P3H2: variants seen among roughly 807,000 people sequenced by gnomAD.
The protein encoded by P3H2 is prolyl 3-hydroxylase 2, also known as leprecan-like 1.
P3H2 carries 80 observed loss-of-function variants against 87.0 expected under a neutral mutation model. The observed-to-expected ratio is 0.92, with a 90% CI of 0.77 to 1.11. The LOEUF is 1.11. P3H2 is among the 50% of genes least tolerant of loss of function. The pLI is 0.00. For missense variants in P3H2, 1,001 were observed against 923.9 expected (o/e 1.08, Z -1.08); for synonymous variants, 367 against 359.3 (o/e 1.02, Z -0.24).
chr3:190,012,036 G>A (rs1724605962), intron 1 of P3H2, among the ~76,000 whole-genome samples: 1 of 152,190 alleles, frequency 6.6e-6, no homozygotes. Context: ...GAAGTAGAAT[G>A]AGAAAGGAAG....
chr3:190,107,493 C>T (rs1226030650), intron 1 of P3H2, among the ~76,000 whole-genome samples: 1 of 152,046 alleles, frequency 6.6e-6, no homozygotes, highest in Admixed American at 6.5e-5. Flanking sequence ...CAAATATTTC[C>T]TCATTTTGTC....
At chr3:190,063,247 G>A (rs1206893285) in intron 1 of P3H2, among the ~76,000 whole-genome samples, 1 of 152,088 alleles carries the variant, frequency 6.6e-6, no homozygotes, top group East Asian at 1.9e-4. Flanking sequence ...AGATAGCAAG[G>A]GCTGTGGATT....
chr3:189,959,413 AC>A (rs35986367), intron 14 of P3H2, among the ~76,000 whole-genome samples: 8 of 71,588 alleles, frequency 1.1e-4, no homozygotes, highest in African/African-American at 1.6e-4. Context: ...CCCTCCCCCC[AC>A]CCCACAACAG....
intron 1 of P3H2, among the ~76,000 whole-genome samples, chr3:190,010,567 C>T (rs1235727907): frequency 4.6e-5 from 7 of 152,078 alleles, no homozygotes; most frequent in Non-Finnish European, 1.0e-4. Context: ...GGAAACACTA[C>T]ATAAAGACAC....
chr3:190,036,073 G>T (rs2687656), intron 1 of P3H2, among the ~76,000 whole-genome samples: 122,434 of 152,130 alleles, frequency 0.8, 49,326 homozygotes, highest in East Asian at 0.86. Flanking sequence ...TTCCCATTTT[G>T]CCATATTCAG....
chr3:190,058,816 G>A (rs1726247472), intron 1 of P3H2, among the ~76,000 whole-genome samples: 1 of 152,050 alleles, frequency 6.6e-6, no homozygotes, highest in Non-Finnish European at 1.5e-5. Context: ...ACCAGAGAAG[G>A]CACACACACA....
At chr3:190,113,936 C>T (rs1156490161) in intron 1 of P3H2, among the ~76,000 whole-genome samples, 2 of 151,234 alleles carry the variant, frequency 1.3e-5, no homozygotes, top group Non-Finnish European at 1.5e-5. Flanking sequence ...AGAAATTAGC[C>T]GGGCGTGGAG....
At chr3:190,003,077 G>A in intron 1 of P3H2, among the ~76,000 whole-genome samples, 1 of 152,212 alleles carries the variant, frequency 6.6e-6, no homozygotes, top group East Asian at 1.9e-4. Flanking sequence ...AATTTGGTAA[G>A]GATTAAATGG....
chr3:190,120,788 G>A lies in P3H2; in HGVS notation c.-57C>T, dbSNP rs1424076474. 9.3e-6 allele frequency: 14 copies of A among 1,499,500 alleles called. No homozygotes were observed. Among genetic ancestry groups the A allele is most frequent in the Non-Finnish European group, 1.2e-5 (13 of 1,129,658 alleles). The allele number at this position is 1,499,500 out of a possible 1,614,324, so 92.9% of individuals were successfully genotyped here. ...GCTCGAGAGGGCTTCGGGGCACCTC[G>A]CGTCCGGGTCCCCTCTCCCACCTTC... On this transcript the variant is annotated 5_prime_UTR_variant, in exon 1 of 15. Transcript: ENST00000319332.
intron 14 of P3H2, among the ~76,000 whole-genome samples, chr3:189,959,461 T>G (rs1397330285): frequency 7.3e-6 from 1 of 137,548 alleles, no homozygotes; most frequent in Non-Finnish European, 1.5e-5. Context: ...TGTGTCCATG[T>G]GTTCTCATTG....
At chr3:190,017,608 G>A (rs763869378) in intron 1 of P3H2, among the ~76,000 whole-genome samples, 1 of 152,150 alleles carries the variant, frequency 6.6e-6, no homozygotes, top group Non-Finnish European at 1.5e-5. Context: ...CAGCAGTACC[G>A]TTATGTGTTT....
rs1172033141 is a variant in P3H2 at position 189,989,020 on chromosome 3, A to G, written c.842T>C (p.Leu281Pro). The part of the protein sequence containing the change: ...EAIADHYMQV[L>P]VCQHECVREL... ...CCTCACACATTCATGCTGACAAACA[A>G]GCACCTGCATGTAGTGATCTGGAAG... Residue 281 changes from leucine to proline, a missense_variant, in exon 4 of 15, where the codon CTT becomes CCT. Leu to Pro is a moderately conservative substitution (Grantham distance 98). Transcript: ENST00000319332. 1 of 1,614,182 alleles carries G rather than the reference A, an allele frequency of 6.2e-7. No homozygotes were observed. Among genetic ancestry groups the G allele is most frequent in the Non-Finnish European group, 8.5e-7 (1 of 1,180,038 alleles).
chr3:190,039,189 C>A (rs1419151329), intron 1 of P3H2, among the ~76,000 whole-genome samples: 18 of 147,098 alleles, frequency 1.2e-4, no homozygotes, highest in East Asian at 2.0e-4. Flanking sequence ...AACTCCATCT[C>A]AAAAAAAAAA....
chr3:189,977,899 C>T (rs986721751), intron 8 of P3H2, among the ~76,000 whole-genome samples: 2 of 152,124 alleles, frequency 1.3e-5, no homozygotes, highest in Admixed American at 1.3e-4. Flanking sequence ...CATGAGCCAC[C>T]ACGCCCAGCC....
chr3:189,994,100 T>C lies in P3H2; in HGVS notation c.817A>G (p.Ile273Val), dbSNP rs778338777. Residue 273 changes from isoleucine to valine, a missense_variant, in exon 3 of 15, where the codon ATT (isoleucine) becomes GTT (valine). By Grantham distance (29) the Ile-to-Val change is conservative. Transcript: ENST00000319332. ...LGYKAGLYEA[I>V]ADHYMQVLVC... The stretch of plus-strand genomic sequence containing the variant: ...TGAAAAATTAAGCTTTTACCTGCAA[T>C]AGCTTCATACAGACCAGCCTTATAC... 68 of 1,608,800 alleles carry C rather than the reference T, an allele frequency of 4.2e-5. No homozygotes were observed. In the South Asian group the frequency reaches 7.1e-4, roughly 17 times the overall value.
chr3:190,036,989 TAAC>T (rs889216697), intron 1 of P3H2, among the ~76,000 whole-genome samples: 3 of 152,076 alleles, frequency 2.0e-5, no homozygotes, highest in South Asian at 2.1e-4. Flanking sequence ...AATTTTCAAT[TAAC>T]AACAACAACA....
chr3:190,052,648 T>G (rs1475635528), intron 1 of P3H2, among the ~76,000 whole-genome samples: 1 of 152,080 alleles, frequency 6.6e-6, no homozygotes, highest in Admixed American at 6.5e-5. Context: ...GCTGTGTGTT[T>G]ATGTGTATAT....
At chr3:190,060,908 T>C (rs1726312115) in intron 1 of P3H2, among the ~76,000 whole-genome samples, 1 of 150,768 alleles carries the variant, frequency 6.6e-6, no homozygotes, top group East Asian at 1.9e-4. Flanking sequence ...GCACCTGCTT[T>C]ATTTATTTTT....
intron 1 of P3H2, among the ~76,000 whole-genome samples, chr3:190,065,111 GA>G (rs940280548): frequency 1.3e-5 from 2 of 152,132 alleles, no homozygotes; most frequent in Non-Finnish European, 2.9e-5. Flanking sequence ...TTAAAAAACC[GA>G]GTCTCCCCAA....
Sources: gnomAD v4.1 joint callset for allele counts (sites outside exome capture counted in the v4.1 genomes callset) on GRCh38, gnomAD v4.1.1 for gene constraint, MANE v1.5 for transcripts, NCBI Gene and HGNC (gene_info 2026-07-23, HGNC 2026-07-21) for gene names.